The following TENM3 variants were observed in gnomAD, a reference collection of about 807,000 sequenced individuals.
TENM3 encodes the protein teneurin-3.
In TENM3, 63 loss-of-function variants were observed where a neutral mutation model predicts 255.1. The ratio of observed to expected loss-of-function variants is 0.25; its 90% CI spans 0.20 to 0.30. The LOEUF (loss-of-function observed/expected upper bound fraction) is 0.30. TENM3 is among the 10% of genes least tolerant of loss of function. TENM3 has a pLI of 1.00. For synonymous variants in TENM3, 1,306 were observed against 1,322.3 expected, an observed-to-expected ratio of 0.99 and a Z score of 0.27; for missense variants, 2,929 against 3,461.1, an observed-to-expected ratio of 0.85 and a Z score of 3.86.
At chr4:181,591,330 T>A in the TENM3 span, among the ~76,000 whole-genome samples, 8 of 152,284 alleles carry the variant, frequency 5.3e-5, no homozygotes, top group East Asian at 1.5e-3. Flanking sequence ...TTATTAAAAA[T>A]TGAAAATATA....
At chr4:181,655,975 C>A in the TENM3 span, among the ~76,000 whole-genome samples, 1 of 152,080 alleles carries the variant, frequency 6.6e-6, no homozygotes, top group Non-Finnish European at 1.5e-5. Context: ...ATGAGCAGAC[C>A]GGGATGATGG....
intron 3 of TENM3, among the ~76,000 whole-genome samples, chr4:182,448,837 G>C (rs913236443): frequency 3.3e-5 from 5 of 150,554 alleles, no homozygotes; most frequent in Non-Finnish European, 5.9e-5. Context: ...GGCGGCGGCC[G>C]AGCCGGGGCG....
intron 5 of TENM3, among the ~76,000 whole-genome samples, chr4:182,634,953 C>T (rs758609666): frequency 6.6e-6 from 1 of 152,090 alleles, no homozygotes; most frequent in African/African-American, 2.4e-5. Flanking sequence ...TGACGCATTG[C>T]TACATGCAAA....
chr4:181,937,335 A>C, the TENM3 span, among the ~76,000 whole-genome samples: 1 of 152,334 alleles, frequency 6.6e-6, no homozygotes, highest in Admixed American at 6.5e-5. Flanking sequence ...AGAAACCATT[A>C]GTGGGCTTTA....
chr4:182,478,698 A>G (rs1297448689), intron 3 of TENM3, among the ~76,000 whole-genome samples: 1 of 152,020 alleles, frequency 6.6e-6, no homozygotes, highest in East Asian at 1.9e-4. Context: ...AACCCTGGAA[A>G]GTTTATCTAG....
In TENM3 at chr4:182,599,597, C is replaced by T. The variant is rs148005321; in HGVS notation, c.512-1327C>T. 1.4e-4 allele frequency among the ~76,000 whole-genome samples: 22 copies of T among 152,138 alleles called. No homozygotes were observed. The East Asian group carries it at 4.1e-3, about 28-fold the overall frequency. The stretch of plus-strand genomic sequence containing the variant: ...ATGCTATGAGAGGAGTTATTTTTAT[C>T]ATTGTACCCTGTAAAGAGGTTTGAT... On this transcript the variant is annotated intron_variant, in intron 3 of 27. Transcript: ENST00000511685.
the TENM3 span, among the ~76,000 whole-genome samples, chr4:181,951,884 G>A: frequency 2.0e-5 from 3 of 152,158 alleles, no homozygotes; most frequent in South Asian, 6.2e-4. Flanking sequence ...TAAACCTATG[G>A]TAAAAGAGTT....
At chr4:181,575,728 G>T in the TENM3 span, among the ~76,000 whole-genome samples, 2 of 152,156 alleles carry the variant, frequency 1.3e-5, no homozygotes, top group Non-Finnish European at 2.9e-5. Context: ...GACATTTGGG[G>T]TTCAACTCCT....
intron 3 of TENM3, among the ~76,000 whole-genome samples, chr4:182,527,442 A>G (rs988068434): frequency 4.6e-5 from 7 of 152,018 alleles, no homozygotes; most frequent in Non-Finnish European, 1.0e-4. Context: ...ACAAACCAAA[A>G]AAAAGGGTAT....
At chr4:181,973,993 G>A in the TENM3 span, among the ~76,000 whole-genome samples, 1 of 152,190 alleles carries the variant, frequency 6.6e-6, no homozygotes, top group African/African-American at 2.4e-5. Flanking sequence ...CATAATGCCG[G>A]CCTACTCCCT....
intron 1 of TENM3, among the ~76,000 whole-genome samples, chr4:182,270,282 C>T (rs143864823): frequency 1.2e-3 from 186 of 152,222 alleles, no homozygotes; most frequent in African/African-American, 4.4e-3. Flanking sequence ...TAATTCCCCC[C>T]ATGAAAGATG....
chr4:182,308,774 G>A (rs1270561011), intron 1 of TENM3, among the ~76,000 whole-genome samples: 2 of 152,118 alleles, frequency 1.3e-5, no homozygotes, highest in Non-Finnish European at 2.9e-5. Context: ...AGTGTATTGT[G>A]CCTATGCATT....
At chr4:181,545,068 T>A in the TENM3 span, among the ~76,000 whole-genome samples, 1 of 152,160 alleles carries the variant, frequency 6.6e-6, no homozygotes, top group Non-Finnish European at 1.5e-5. Context: ...GTTTCTTAGG[T>A]GAACTTCAAG....
At chr4:181,895,203 G>A in the TENM3 span, among the ~76,000 whole-genome samples, 24 of 152,038 alleles carry the variant, frequency 1.6e-4, no homozygotes, top group African/African-American at 5.1e-4. Flanking sequence ...CCCTGTCAGT[G>A]GAAATAATGT....
the TENM3 span, among the ~76,000 whole-genome samples, chr4:181,587,249 T>G: frequency 6.6e-6 from 1 of 152,196 alleles, no homozygotes; most frequent in East Asian, 1.9e-4. Context: ...TCAGCCATCA[T>G]TCATTCAGTG....
rs78034656 is a variant in TENM3, at chr4:182,417,396, A to G, written c.511+70467A>G. 4.6e-3 allele frequency among the ~76,000 whole-genome samples: 699 copies of G among 152,352 alleles called. 16 individuals carry two copies. Among genetic ancestry groups the G allele is most frequent in the East Asian group, 0.04 (206 of 5,178 alleles). On this transcript the variant is annotated intron_variant, in intron 3 of 27. Coordinates refer to ENST00000511685, the MANE Select transcript of TENM3 (RefSeq NM_001080477.4). ...TTTATTAGTTTCTCACTAATTAAAT[A>G]TAAACATATAATACCATTGTAGCAA... is the stretch of plus-strand genomic sequence containing the variant.
intron 1 of TENM3, among the ~76,000 whole-genome samples, chr4:182,193,998 C>T (rs935244336): frequency 2.0e-5 from 3 of 152,166 alleles, no homozygotes; most frequent in Non-Finnish European, 2.9e-5. Flanking sequence ...TCATGGCCTA[C>T]GTTAAAAAGC....
At chr4:181,838,824 G>T in the TENM3 span, among the ~76,000 whole-genome samples, 1 of 151,752 alleles carries the variant, frequency 6.6e-6, no homozygotes, top group African/African-American at 2.4e-5. Context: ...GCTTTTCAGT[G>T]AAAAAATTGT....
the TENM3 span, among the ~76,000 whole-genome samples, chr4:181,466,061 T>G: frequency 1.3e-5 from 2 of 151,950 alleles, no homozygotes; most frequent in Non-Finnish European, 2.9e-5. Flanking sequence ...GACATCCACC[T>G]AAACGTGGGT....
Sources: allele counts gnomAD v4.1 joint callset (sites outside exome capture counted in the v4.1 genomes callset), GRCh38; gene constraint gnomAD v4.1.1; transcripts MANE v1.5; gene names NCBI Gene and HGNC (gene_info 2026-07-23, HGNC 2026-07-21).